Variants in ZAP70 observed in about 807,000 individuals in gnomAD.
The protein encoded by ZAP70 is tyrosine-protein kinase ZAP-70.
ZAP70 carries 27 observed loss-of-function variants against 65.8 expected under a neutral mutation model. That is an observed-to-expected ratio of 0.41 (90% CI 0.30 to 0.57). The LOEUF is 0.57. Ranked by LOEUF, ZAP70 falls within the 20% of genes least tolerant of loss-of-function variation. The pLI, the probability that ZAP70 is intolerant of heterozygous loss-of-function variation, is 0.28. For synonymous variants in ZAP70, 363 were observed against 360.8 expected (o/e 1.01, Z -0.07); for missense variants, 696 against 870.5 (o/e 0.80, Z 2.52).
intron 2 of ZAP70, among the ~76,000 whole-genome samples, chr2:97,723,514 A>G (rs562830979): frequency 5.1e-4 from 77 of 152,276 alleles, no homozygotes; most frequent in Middle Eastern, 3.4e-3. Context: ...AGCTAGAGCC[A>G]CCTCTTCTCT....
At position 97,739,504 on chromosome 2, in the gene ZAP70, C is replaced by T. The variant is rs201807129; in HGVS notation, c.*6C>T. The T allele has an allele frequency of 3.5e-5, 57 of 1,611,684 alleles. No individual in the cohort carries two copies. In the South Asian group the frequency reaches 3.8e-4, roughly 11 times the overall value. ...CTGAGGCTGCCTGTGCCTGAGCTCC[C>T]GCTGCCCAGGGGAGCCCTCCACGCC... On this transcript the variant is annotated 3_prime_UTR_variant, in exon 14 of 14. Transcript: ENST00000264972.
the ZAP70 span, among the ~76,000 whole-genome samples, chr2:97,745,906 A>G: frequency 6.6e-6 from 1 of 152,244 alleles, no homozygotes; most frequent in African/African-American, 2.4e-5. Flanking sequence ...AACAACCCAA[A>G]TGTCCATCAA....
At chr2:97,720,200 G>C (rs142067433) in intron 2 of ZAP70, among the ~76,000 whole-genome samples, 195 of 152,148 alleles carry the variant, frequency 1.3e-3, no homozygotes, top group Non-Finnish European at 2.3e-3. Context: ...TGAATACCTA[G>C]GAGCCTTCAT....
Position 97,721,580 on chromosome 2 carries a change from A to ATT in ZAP70, c.-21-2412_-21-2411dup, listed in dbSNP as rs796509420. ...AGGCGCCCGCCACCATGGCTGGCTG[A>ATT]TTTTTTTTTTTTTTTTTTTTTTTTT... On this transcript the variant is annotated intron_variant, in intron 2 of 13. Coordinates refer to ENST00000264972, the MANE Select transcript of ZAP70 (RefSeq NM_001079.4). 7.9e-3 allele frequency among the ~76,000 whole-genome samples: 638 copies of ATT among 81,188 alleles called. 14 individuals are homozygous for ATT. The highest frequency in any genetic ancestry group is 0.01 in the Non-Finnish European group (452 of 43,132). The allele number at this position is 81,188 out of a possible 152,430, so 53.3% of individuals were successfully genotyped here. A position where few individuals can be genotyped will look rare whatever the true frequency, so the allele number is the denominator to read the frequency against.
At chr2:97,738,279 AG>A in intron 13 of ZAP70, 172 bp downstream of exon 13, 1 of 694,804 alleles carries the variant, frequency 1.4e-6, no homozygotes, top group South Asian at 1.7e-5. Flanking sequence ...CCAACACACC[AG>A]GGTTTGCTGT....
chr2:97,733,388 G>A (rs1179321492), intron 7 of ZAP70, 45 bp downstream of exon 7: 3 of 1,591,728 alleles, frequency 1.9e-6, no homozygotes, highest in Admixed American at 1.7e-5. Flanking sequence ...ATGGAGCTGG[G>A]GAGTGGCTGT....
rs773242018 is a variant in ZAP70 at position 97,737,672 on chromosome 2, C to G, written c.1482+7C>G. 37 of 1,614,010 alleles carry G rather than the reference C, an allele frequency of 2.3e-5. No individual in the cohort carries two copies. Among genetic ancestry groups the G allele is most frequent in the Non-Finnish European group, 2.9e-5 (34 of 1,180,000 alleles). ...CGACGACAGCTACTACACTGTAAGC[C>G]TCTGCCCCTGTGATGCCCGACTGGA... On this transcript the variant is annotated splice_region_variant and intron_variant, in intron 11 of 13. Coordinates refer to ENST00000264972, the MANE Select transcript of ZAP70 (RefSeq NM_001079.4). The surrounding 1 kb of genome is among the most constrained non-coding windows in gnomAD (Gnocchi z 5.0).
chr2:97,725,514 A>G (rs1416203156), intron 4 of ZAP70, among the ~76,000 whole-genome samples: 2 of 152,198 alleles, frequency 1.3e-5, no homozygotes, highest in African/African-American at 4.8e-5. Flanking sequence ...GCCCTTGGGC[A>G]AGTAGCGGAC....
Position 97,735,408 on chromosome 2 carries a change from TG to T in ZAP70, c.1243del (p.Glu415ArgfsTer21). 1 of 1,613,218 alleles carries T rather than the reference TG, an allele frequency of 6.2e-7. No individual in the cohort carries two copies. Among genetic ancestry groups the T allele is most frequent in the Non-Finnish European group, 8.5e-7 (1 of 1,179,622 alleles). On this transcript the variant is annotated frameshift_variant, in exon 10 of 14. Transcript: ENST00000264972. LOFTEE classifies it high-confidence loss of function. The part of the protein sequence containing the change: ...VCQAEALMLV[M>X]EMAGGGPLHK... ...CAGGCCGAGGCCCTCATGCTGGTCA[TG>T]GAGATGGCTGGGGGCGGGCCGCTGC...
Position 97,735,436 on chromosome 2 carries a change from C to T in ZAP70, c.1269C>T (p.His423=). 6.2e-7 allele frequency: 1 copy of T among 1,612,198 alleles called. No homozygotes were observed. The highest frequency in any genetic ancestry group is 1.1e-5 in the South Asian group (1 of 91,048). The change falls in exon 10 of 14, where the codon CAC becomes CAT. Residue 423 remains histidine (H), a synonymous_variant. Coordinates refer to ENST00000264972, the MANE Select transcript of ZAP70 (RefSeq NM_001079.4). ...AGATGGCTGGGGGCGGGCCGCTGCA[C>T]AAGTTCCTGGTCGGCAAGAGGTGAG... The part of the protein sequence containing the change: ...VMEMAGGGPL[H]KFLVGKREEI...
rs895952682 is a variant in ZAP70 at position 97,720,632 on chromosome 2, G to A, written c.-21-3384G>A. On this transcript the variant is annotated intron_variant, in intron 2 of 13. Coordinates refer to ENST00000264972, the MANE Select transcript of ZAP70 (RefSeq NM_001079.4). ...CTCCCAAAGTGCTGGGATTACAAGC[G>A]TGAGCCACTTCGCCCAGCCGCTTCA... 3.3e-5 allele frequency among the ~76,000 whole-genome samples: 5 copies of A among 152,188 alleles called. No individual in the cohort carries two copies. In the East Asian group the frequency reaches 5.8e-4, roughly 18 times the overall value.
At chr2:97,752,750 C>G in the ZAP70 span, among the ~76,000 whole-genome samples, 1 of 152,194 alleles carries the variant, frequency 6.6e-6, no homozygotes, top group Non-Finnish European at 1.5e-5. Context: ...TGGACTAGCC[C>G]CAATCACATT....
chr2:97,735,334 C>T lies in ZAP70; in HGVS notation c.1167C>T (p.Ile389=), dbSNP rs1239409919. 6.2e-7 allele frequency: 1 copy of T among 1,614,176 alleles called. No individual in the cohort carries two copies. Among genetic ancestry groups the T allele is most frequent in the Non-Finnish European group, 8.5e-7 (1 of 1,179,990 alleles). Residue 389 remains isoleucine (I), a synonymous_variant, in exon 10 of 14, where the codon ATC becomes ATT. Coordinates refer to ENST00000264972, the MANE Select transcript of ZAP70 (RefSeq NM_001079.4). ...DTEEMMREAQ[I]MHQLDNPYIV... Reference sequence around the variant, plus strand: ...AAGAGATGATGCGCGAGGCGCAGATCATGCACCAGCTGGACAACCCCTACA... The same window carrying T: ...AAGAGATGATGCGCGAGGCGCAGATTATGCACCAGCTGGACAACCCCTACA...
chr2:97,723,218 A>G (rs900043069), intron 2 of ZAP70, among the ~76,000 whole-genome samples: 18 of 152,248 alleles, frequency 1.2e-4, no homozygotes, highest in African/African-American at 4.3e-4. Context: ...CCAGTCCCCT[A>G]GGGATGGATA....
rs200538234 is a variant in ZAP70 at position 97,735,466 on chromosome 2, G to A, written c.1289+10G>A. 1.6e-4 allele frequency: 263 copies of A among 1,604,568 alleles called. No individual in the cohort carries two copies. The African/African-American group carries it at 2.2e-3, about 14-fold the overall frequency. On this transcript the variant is annotated intron_variant, in intron 10 of 13. Coordinates refer to ENST00000264972, the MANE Select transcript of ZAP70 (RefSeq NM_001079.4). ...TCCTGGTCGGCAAGAGGTGAGCACCGGGTGGGCCCGGCCATCGGGTGGGTG... is the reference window on the plus strand; with the variant it reads ...TCCTGGTCGGCAAGAGGTGAGCACCAGGTGGGCCCGGCCATCGGGTGGGTG...
At position 97,739,464 on chromosome 2, in the gene ZAP70, G is replaced by C; in HGVS notation, c.1826G>C (p.Gly609Ala). The C allele has an allele frequency of 6.2e-7, 1 of 1,613,664 alleles. No homozygotes were observed. ...SLASKVEGPPGSTQKAEAACA is the reference protein window; with the variant it reads ...SLASKVEGPPASTQKAEAACA ...GCCAGCAAGGTGGAAGGGCCCCCAG[G>C]CAGCACACAGAAGGCTGAGGCTGCC... is the stretch of plus-strand genomic sequence containing the variant. Residue 609 changes from glycine (G) to alanine (A), a missense_variant, in exon 14 of 14, where the codon GGC becomes GCC. Gly to Ala is a moderately conservative substitution (Grantham distance 60). This residue lies in a region of ZAP70 where 78 missense variants were observed against 88.6 expected (regional missense o/e 0.88). Transcript: ENST00000264972.
chr2:97,743,052 G>C (rs755477302), downstream of ZAP70, among the ~76,000 whole-genome samples: 39 of 152,292 alleles, frequency 2.6e-4, no homozygotes, highest in Middle Eastern at 6.8e-3. Context: ...AAGGGGCTGT[G>C]GTGTTCAGCT....
the ZAP70 span, among the ~76,000 whole-genome samples, chr2:97,752,065 A>G: frequency 3.7e-5 from 5 of 136,622 alleles, no homozygotes; most frequent in Non-Finnish European, 7.9e-5. Context: ...CAGGTTGGAA[A>G]ACAAAATCAA....
At chr2:97,730,952 G>T (rs1321905089) in intron 4 of ZAP70, among the ~76,000 whole-genome samples, 1 of 151,842 alleles carries the variant, frequency 6.6e-6, no homozygotes, top group Non-Finnish European at 1.5e-5. Flanking sequence ...CTACTTGGGA[G>T]GCTGAGGCAG....
Sources: gnomAD v4.1 joint callset for allele counts (sites outside exome capture counted in the v4.1 genomes callset) on GRCh38, gnomAD v4.1.1 for gene constraint, gnomAD v4.1.1 regional missense constraint, Gnocchi (gnomAD v3.1) non-coding constraint, MANE v1.5 for transcripts, NCBI Gene and HGNC (gene_info 2026-07-23, HGNC 2026-07-21) for gene names.